The following GPC6 variants were observed in gnomAD, a reference collection of about 807,000 sequenced individuals.
The protein encoded by GPC6 is glypican 6, also known as glypican-6.
In GPC6, 14 loss-of-function variants were observed where a neutral mutation model predicts 55.2. That is an observed-to-expected ratio of 0.25 (90% CI 0.17 to 0.40). The LOEUF (loss-of-function observed/expected upper bound fraction) is 0.40. GPC6 is among the 10% of genes least tolerant of loss of function. GPC6 has a pLI of 1.00. For missense variants in GPC6, 641 were observed against 708.5 expected (o/e 0.90, Z 1.08); for synonymous variants, 278 against 259.6 (o/e 1.07, Z -0.68).
At chr13:93,789,036 T>C (rs1191029373) in intron 2 of GPC6, among the ~76,000 whole-genome samples, 2 of 152,080 alleles carry the variant, frequency 1.3e-5, no homozygotes, top group African/African-American at 4.8e-5. Context: ...ACCCATAGCA[T>C]TTCTAGTGGA....
intron 2 of GPC6, among the ~76,000 whole-genome samples, chr13:93,818,997 A>G (rs1057138537): frequency 3.3e-5 from 5 of 152,128 alleles, no homozygotes; most frequent in Non-Finnish European, 7.3e-5. Flanking sequence ...TCAGTATACA[A>G]GATATACAAG....
intron 1 of GPC6, among the ~76,000 whole-genome samples, chr13:93,471,689 T>C (rs1042879574): frequency 7.6e-6 from 1 of 131,858 alleles, no homozygotes; most frequent in African/African-American, 2.9e-5. Context: ...ATGGGAATTT[T>C]ATGTTTTTTT....
chr13:93,893,185 G>A (rs929338263), intron 3 of GPC6, among the ~76,000 whole-genome samples: 6 of 151,032 alleles, frequency 4.0e-5, no homozygotes, highest in African/African-American at 1.2e-4. Context: ...TCAGCCTTCC[G>A]AATAGCTGGG....
At chr13:93,603,818 T>C (rs1878124949) in intron 2 of GPC6, among the ~76,000 whole-genome samples, 2 of 152,228 alleles carry the variant, frequency 1.3e-5, no homozygotes, top group African/African-American at 4.8e-5. Flanking sequence ...AAACAGATAC[T>C]TTTTTAAATG....
intron 2 of GPC6, among the ~76,000 whole-genome samples, chr13:93,672,460 A>G (rs1435910427): frequency 6.6e-6 from 1 of 151,972 alleles, no homozygotes; most frequent in Non-Finnish European, 1.5e-5. Flanking sequence ...GCCAAGTTAA[A>G]GTATGTTTTT....
intron 1 of GPC6, among the ~76,000 whole-genome samples, chr13:93,458,091 A>G (rs1249792411): frequency 6.6e-6 from 1 of 152,222 alleles, no homozygotes; most frequent in Non-Finnish European, 1.5e-5. Flanking sequence ...ACAGATAACC[A>G]TGGTACAAGG....
chr13:94,187,997 G>C (rs767790491), intron 4 of GPC6: 2 of 152,224 alleles, frequency 1.3e-5, no homozygotes, highest in Non-Finnish European at 2.9e-5. Context: ...CACACTGGAG[G>C]CTGTGTGAGT....
At chr13:93,343,325 G>T (rs1416486258) in intron 1 of GPC6, among the ~76,000 whole-genome samples, 5 of 152,154 alleles carry the variant, frequency 3.3e-5, no homozygotes, top group African/African-American at 1.2e-4. Flanking sequence ...TACGTTCCTT[G>T]TGCTTGCAGA....
intron 4 of GPC6, among the ~76,000 whole-genome samples, chr13:94,232,238 T>C (rs911274755): frequency 3.3e-5 from 5 of 152,200 alleles, no homozygotes; most frequent in African/African-American, 9.6e-5. Context: ...TCACTTTAAA[T>C]TTAAACAAGG....
intron 1 of GPC6, among the ~76,000 whole-genome samples, chr13:93,467,086 A>G (rs983394201): frequency 2.6e-5 from 4 of 152,242 alleles, no homozygotes; most frequent in Non-Finnish European, 4.4e-5. Flanking sequence ...ATTTTTCTGT[A>G]TACAACGTTG....
At chr13:93,745,994 T>C (rs996061820) in intron 2 of GPC6, among the ~76,000 whole-genome samples, 6 of 152,198 alleles carry the variant, frequency 3.9e-5, no homozygotes, top group African/African-American at 1.2e-4. Context: ...AATCCACTCT[T>C]TTCATGAAGA....
intron 4 of GPC6, among the ~76,000 whole-genome samples, chr13:94,085,349 A>G (rs1240053387): frequency 6.8e-6 from 1 of 147,740 alleles, no homozygotes; most frequent in East Asian, 2.0e-4. Flanking sequence ...AAAAAAGGGA[A>G]GAAAAAGAAA....
At chr13:93,701,375 C>T (rs918734746) in intron 2 of GPC6, among the ~76,000 whole-genome samples, 1 of 151,924 alleles carries the variant, frequency 6.6e-6, no homozygotes, top group Non-Finnish European at 1.5e-5. Context: ...AAAAAAAGTA[C>T]ATACATTAAT....
intron 2 of GPC6, among the ~76,000 whole-genome samples, chr13:93,610,038 T>C (rs953333573): frequency 4.6e-5 from 7 of 152,222 alleles, no homozygotes; most frequent in African/African-American, 7.2e-5. Context: ...GACCCTGTCA[T>C]ATGGCTGCTG....
At chr13:94,385,590 T>C (rs565276981) in intron 7 of GPC6, among the ~76,000 whole-genome samples, 94 of 152,342 alleles carry the variant, frequency 6.2e-4, no homozygotes, top group African/African-American at 2.2e-3. Flanking sequence ...ATTCAAATTA[T>C]GTACCCATTG....
intron 1 of GPC6, among the ~76,000 whole-genome samples, chr13:93,319,612 A>G (rs772458779): frequency 6.6e-6 from 1 of 152,180 alleles, no homozygotes; most frequent in Non-Finnish European, 1.5e-5. Context: ...CAAGTAGAAC[A>G]TATAGTATCC....
rs954836522 is a variant in GPC6, at chr13:94,204,263, C to A, written c.878-82086C>A. 2.4e-4 allele frequency among the ~76,000 whole-genome samples: 37 copies of A among 151,968 alleles called. 1 individual carries two copies. The highest frequency in any genetic ancestry group is 7.7e-4 in the East Asian group (4 of 5,186). ...AAAAGGGTAGCTACTCAGTTTAAAC[C>A]AAAAACAAGTGTGGATAAAAATGTA... is the stretch of plus-strand genomic sequence containing the variant. On this transcript the variant is annotated intron_variant, in intron 4 of 8. Transcript: ENST00000377047.
At chr13:93,768,490 C>T (rs564572741) in intron 2 of GPC6, among the ~76,000 whole-genome samples, 3 of 152,236 alleles carry the variant, frequency 2.0e-5, no homozygotes, top group Admixed American at 2.0e-4. Flanking sequence ...CTAAAACTAA[C>T]CCTGACACAT....
intron 1 of GPC6, among the ~76,000 whole-genome samples, chr13:93,494,325 A>G (rs1406664617): frequency 7.2e-6 from 1 of 138,690 alleles, no homozygotes; most frequent in Non-Finnish European, 1.6e-5. Context: ...AGTCTGTTTT[A>G]TCAGAGACTA....
Sources: gnomAD v4.1 joint callset for allele counts (sites outside exome capture counted in the v4.1 genomes callset) on GRCh38, gnomAD v4.1.1 for gene constraint, MANE v1.5 for transcripts, NCBI Gene and HGNC (gene_info 2026-07-23, HGNC 2026-07-21) for gene names.